Variants in MGAM2 observed in about 807,000 individuals in gnomAD.
MGAM2 encodes maltase-glucoamylase 2 (putative).
Under a neutral mutation model 96.1 loss-of-function variants are expected in MGAM2, and 98 were observed. The ratio of observed to expected loss-of-function variants is 1.02; its 90% CI spans 0.87 to 1.21. The LOEUF (loss-of-function observed/expected upper bound fraction) is 1.21, where lower values mean the gene tolerates loss of function less well. Ranked by LOEUF, MGAM2 falls within the 50% of genes most tolerant of loss-of-function variation. MGAM2 has a pLI of 0.00. For synonymous variants in MGAM2, 749 were observed against 414.8 expected (o/e 1.81, Z -9.79); for missense variants, 2,055 against 1,182.4 (o/e 1.74, Z -10.82).
intron 1 of MGAM2, among the ~76,000 whole-genome samples, chr7:142,116,518 A>T (rs1055683321): frequency 6.6e-6 from 1 of 152,190 alleles, no homozygotes; most frequent in Non-Finnish European, 1.5e-5. Context: ...GGATGTGAAG[A>T]TCAAAGTGAA....
At chr7:142,147,712 G>A (rs13241102) in intron 15 of MGAM2, 139 bp downstream of exon 15, 101,351 of 547,816 alleles carry the variant, frequency 0.19, 10,772 homozygotes, top group East Asian at 0.28. Context: ...TTCTTACAGA[G>A]TATTTAAGAG....
chr7:142,152,889 A>G (rs1213707587), intron 15 of MGAM2, among the ~76,000 whole-genome samples: 5 of 152,200 alleles, frequency 3.3e-5, no homozygotes, highest in Admixed American at 6.5e-5. Context: ...AGCTAGGCAA[A>G]CAGCCCACAT....
intron 3 of MGAM2, among the ~76,000 whole-genome samples, chr7:142,127,696 C>A (rs1310810251): frequency 6.6e-6 from 1 of 152,126 alleles, no homozygotes; most frequent in Non-Finnish European, 1.5e-5. Flanking sequence ...AAGGGGAGTT[C>A]CCCTGCACAA....
At chr7:142,160,535 G>T (rs1795856891) in intron 21 of MGAM2, among the ~76,000 whole-genome samples, 2 of 151,914 alleles carry the variant, frequency 1.3e-5, no homozygotes, top group Admixed American at 1.3e-4. Flanking sequence ...TTTCCCTATG[G>T]CCAGAAATTG....
chr7:142,184,586 G>A (rs193242896), intron 33 of MGAM2, among the ~76,000 whole-genome samples: 37 of 152,294 alleles, frequency 2.4e-4, no homozygotes, highest in African/African-American at 8.7e-4. Flanking sequence ...TATACTTAAT[G>A]TCCTGGTAGT....
At chr7:142,189,252 G>A (rs2129097113) in intron 36 of MGAM2, 115 bp from the exon 37 acceptor site, 2 of 549,610 alleles carry the variant, frequency 3.6e-6, no homozygotes, top group East Asian at 3.1e-5. Context: ...ATAAAATTGG[G>A]TCTGTTACTG....
intron 32 of MGAM2, among the ~76,000 whole-genome samples, chr7:142,179,421 C>A (rs1044659863): frequency 6.6e-6 from 1 of 152,124 alleles, no homozygotes; most frequent in Non-Finnish European, 1.5e-5. Flanking sequence ...GAGGGGGCAT[C>A]CTTGCCATGC....
chr7:142,198,175 C>T lies in MGAM2; in HGVS notation c.4903C>T (p.Arg1635Cys), dbSNP rs760461334. ...GATCTCTGCTTATTTTCCGAGAGCC[C>T]GTTGGTATGACTATAGCACGGTAAG... ...FEISAYFPRA[R>C]WYDYSTGTSS... is the part of the protein sequence containing the mutation. The change falls in exon 43 of 48, where the codon CGT (arginine) becomes TGT (cysteine). Residue 1635 changes from arginine to cysteine, a missense_variant. Physicochemically the swap from Arg to Cys is radical, Grantham distance 180. Coordinates refer to ENST00000477922, the MANE Select transcript of MGAM2 (RefSeq NM_001293626.2). The T allele has an allele frequency of 4.0e-5, 28 of 702,864 alleles. No individual in the cohort carries two copies. Among genetic ancestry groups the T allele is most frequent in the South Asian group, 2.1e-4 (14 of 67,542 alleles). The allele number at this position is 702,864 out of a possible 1,614,324, so 43.5% of individuals were successfully genotyped here.
chr7:142,150,034 C>T (rs1231383455), intron 15 of MGAM2, among the ~76,000 whole-genome samples: 3 of 151,796 alleles, frequency 2.0e-5, no homozygotes, highest in Non-Finnish European at 2.9e-5. Context: ...CTCCGCCTCC[C>T]GGGTTCAAGC....
rs1310959895 is a variant in MGAM2 at position 142,171,557 on chromosome 7, C to G, written c.3351+117C>G. On this transcript the variant is annotated intron_variant, in intron 28 of 47. Coordinates refer to ENST00000477922, the MANE Select transcript of MGAM2 (RefSeq NM_001293626.2). ...CCTCATCTTATATTGATAAATTCCG[C>G]TCTCAGTTGTAATAGAGCACGTGTC... 4 of 522,502 alleles carry G rather than the reference C, an allele frequency of 7.7e-6. No homozygotes were observed. In the African/African-American group the frequency reaches 8.3e-5, roughly 11 times the overall value. 32.4% of individuals were successfully genotyped at this position (522,502 alleles called of 1,614,324 possible). A position where few individuals can be genotyped will look rare whatever the true frequency, so the allele number is the denominator to read the frequency against.
chr7:142,174,097 T>C (rs768538024), intron 31 of MGAM2, among the ~76,000 whole-genome samples: 3 of 152,220 alleles, frequency 2.0e-5, no homozygotes, highest in Non-Finnish European at 4.4e-5. Flanking sequence ...TAGCATAGTT[T>C]AAAGGGGGAT....
At chr7:142,185,312 C>T (rs1053918296) in intron 34 of MGAM2, among the ~76,000 whole-genome samples, 173 bp downstream of exon 34, 2 of 152,162 alleles carry the variant, frequency 1.3e-5, no homozygotes, top group African/African-American at 4.8e-5. Context: ...GCTCAACAAA[C>T]AGCGAACATG....
At chr7:142,134,846 A>G (rs1795008974) in intron 7 of MGAM2, among the ~76,000 whole-genome samples, 1 of 151,910 alleles carries the variant, frequency 6.6e-6, no homozygotes, top group South Asian at 2.1e-4. Context: ...TACTGAAAAA[A>G]TGAAATAAAA....
At position 142,172,377 on chromosome 7, in the gene MGAM2, T is replaced by A. The variant is rs1461932882; in HGVS notation, c.3448+183T>A. On this transcript the variant is annotated intron_variant, in intron 29 of 47. Transcript: ENST00000477922. ...AGAACTCTGGATCAGGTGTTAGGCA[T>A]GGAATTTTGATCAGTTATGGCTCCT... 2.0e-5 allele frequency among the ~76,000 whole-genome samples: 3 copies of A among 152,196 alleles called. No individual in the cohort carries two copies. In the South Asian group the frequency reaches 6.2e-4, roughly 32 times the overall value.
intron 46 of MGAM2, among the ~76,000 whole-genome samples, chr7:142,211,583 A>G (rs1349537046): frequency 2.0e-5 from 3 of 152,222 alleles, no homozygotes; most frequent in Admixed American, 6.5e-5. Flanking sequence ...AGCAAAAGAA[A>G]GGATATCAGA....
chr7:142,214,182 CA>C (rs1197169618), intron 46 of MGAM2, among the ~76,000 whole-genome samples: 1 of 152,080 alleles, frequency 6.6e-6, no homozygotes, highest in Non-Finnish European at 1.5e-5. Context: ...CTATTTATGA[CA>C]AACCAACAGC....
At chr7:142,124,648 A>G (rs1794687500) in intron 3 of MGAM2, among the ~76,000 whole-genome samples, 1 of 152,192 alleles carries the variant, frequency 6.6e-6, no homozygotes, top group African/African-American at 2.4e-5. Context: ...GTGATTACAT[A>G]AAATTTACAG....
Position 142,189,466 on chromosome 7 carries a change from A to T in MGAM2, c.4307A>T (p.His1436Leu). 1.2e-6 allele frequency: 1 copy of T among 857,602 alleles called. No individual in the cohort carries two copies. 53.1% of individuals were successfully genotyped at this position (857,602 alleles called of 1,614,324 possible). A position where few individuals can be genotyped will look rare whatever the true frequency, so the allele number is the denominator to read the frequency against. ...TCCCCCGTGGAGCACTACAACGTGCACAACCTGTACGGGTGGTCCCAGACC... is the reference window on the plus strand; with the variant it reads ...TCCCCCGTGGAGCACTACAACGTGCTCAACCTGTACGGGTGGTCCCAGACC... ...DSSPVEHYNV[H>L]NLYGWSQTRP... Residue 1436 changes from histidine (H) to leucine (L), a missense_variant, in exon 37 of 48, where the codon CAC (histidine) becomes CTC (leucine). By Grantham distance (99) the His-to-Leu change is moderately conservative (BLOSUM62 -3). Coordinates refer to ENST00000477922, the MANE Select transcript of MGAM2 (RefSeq NM_001293626.2).
At chr7:142,208,527 T>C (rs910246130) in intron 45 of MGAM2, 46 bp from the exon 46 acceptor site, 4 of 698,736 alleles carry the variant, frequency 5.7e-6, no homozygotes, top group African/African-American at 5.3e-5. Context: ...TTGCTGCAAT[T>C]GAAGCAGTTA....
Sources: allele counts gnomAD v4.1 joint callset (sites outside exome capture counted in the v4.1 genomes callset), GRCh38; gene constraint gnomAD v4.1.1; transcripts MANE v1.5; gene names NCBI Gene and HGNC (gene_info 2026-07-23, HGNC 2026-07-21).